Variants in ZNF778 observed in about 807,000 individuals in gnomAD.
ZNF778 encodes the protein zinc finger protein 778.
ZNF778 carries 37 observed loss-of-function variants against 23.9 expected under a neutral mutation model. That is an observed-to-expected ratio of 1.54 (90% CI 1.19 to 2.03). The LOEUF (loss-of-function observed/expected upper bound fraction) is 2.03. Ranked by LOEUF, ZNF778 falls within the 30% of genes most tolerant of loss-of-function variation. The probability of loss-of-function intolerance (pLI) is 0.00; values close to 1 mark genes in which losing one functional copy is unlikely to be tolerated. For missense variants in ZNF778, 1,297 were observed against 934.4 expected, an observed-to-expected ratio of 1.39 and a Z score of -5.06; for synonymous variants, 483 against 343.9, an observed-to-expected ratio of 1.40 and a Z score of -4.48.
In ZNF778 at chr16:89,227,342, C is replaced by T; in HGVS notation, c.1054C>T (p.Leu352Phe). Residue 352 changes from leucine to phenylalanine, a missense_variant, in exon 7 of 7, where the codon CTT (leucine) becomes TTT (phenylalanine). Physicochemically the swap from Leu to Phe is conservative, Grantham distance 22. Coordinates refer to ENST00000433976, the MANE Select transcript of ZNF778 (RefSeq NM_001201407.2). ...CGKAFTGLSG[L>F]SKHVQTDPGQ... The stretch of plus-strand genomic sequence containing the variant: ...AAAAGCCTTCACTGGACTCTCAGGT[C>T]TTTCTAAACACGTCCAAACAGACCC... The T allele has an allele frequency of 6.2e-7, 1 of 1,613,992 alleles. No individual in the cohort carries two copies. The highest frequency in any genetic ancestry group is 2.2e-5 in the East Asian group (1 of 44,886).
intron 6 of ZNF778, 109 bp from the exon 7 acceptor site, chr16:89,226,585 G>C: frequency 9.8e-7 from 1 of 1,023,718 alleles, no homozygotes; most frequent in Non-Finnish European, 1.4e-6. Context: ...TGCATGTTAT[G>C]AAAATGGCAA....
intron 5 of ZNF778, 37 bp downstream of exon 5, chr16:89,224,839 T>C (rs1279026384): frequency 2.0e-5 from 28 of 1,417,848 alleles, no homozygotes; most frequent in Non-Finnish European, 2.6e-5. Context: ...ATGTCAAGTT[T>C]AGCAGCTGTG....
At chr16:89,219,037 G>T (rs1365604827) in intron 1 of ZNF778, among the ~76,000 whole-genome samples, 1 of 151,872 alleles carries the variant, frequency 6.6e-6, no homozygotes, top group African/African-American at 2.4e-5. Flanking sequence ...AACCTGGGTG[G>T]CACAGGTTGC....
chr16:89,228,332 T>G lies in ZNF778; in HGVS notation c.2044T>G (p.Phe682Val), dbSNP rs2031690567. The G allele has an allele frequency of 6.2e-7, 1 of 1,613,676 alleles. No individual in the cohort carries two copies. Among genetic ancestry groups the G allele is most frequent in the Non-Finnish European group, 8.5e-7 (1 of 1,179,784 alleles). The change falls in exon 7 of 7, where the codon TTC becomes GTC. Residue 682 changes from phenylalanine (F) to valine (V), a missense_variant. Transcript: ENST00000433976. ...CATATGTAACGAGTGTGGGAAAGCC[T>G]TCCGTGCCTCCTCTCACCTGCATAA... is the stretch of plus-strand genomic sequence containing the variant. ...PYICNECGKA[F>V]RASSHLHKHG...
Position 89,227,661 on chromosome 16 carries a change from TC to T in ZNF778, c.1374del (p.Cys459ValfsTer10), listed in dbSNP as rs2031616572. ...ACGTGTAAGGACTGCGGGAAAGCCTTCTGTACATCCTCGGGCCTTACTGAGC... is the reference window on the plus strand; with the variant it reads ...ACGTGTAAGGACTGCGGGAAAGCCTTTGTACATCCTCGGGCCTTACTGAGC... ...PYTCKDCGKA[F>X]CTSSGLTEHV... On this transcript the variant is annotated frameshift_variant, in exon 7 of 7. Coordinates refer to ENST00000433976, the MANE Select transcript of ZNF778 (RefSeq NM_001201407.2). LOFTEE classifies it low-confidence loss of function (END_TRUNC). The T allele has an allele frequency of 6.2e-7, 1 of 1,613,968 alleles. No individual in the cohort carries two copies. Among genetic ancestry groups the T allele is most frequent in the South Asian group, 1.1e-5 (1 of 91,078 alleles).
In ZNF778 at chr16:89,227,396, T is replaced by C. The variant is rs1445975553; in HGVS notation, c.1108T>C (p.Cys370Arg). The C allele has an allele frequency of 1.9e-6, 3 of 1,613,876 alleles. No individual in the cohort carries two copies. In the East Asian group the frequency reaches 6.7e-5, roughly 36 times the overall value. ...PGQKPYECKD[C>R]GKACGGFYLL... ...ACAGAAGCCCTATGAATGTAAGGAC[T>C]GTGGGAAAGCCTGCGGTGGGTTTTA... The change falls in exon 7 of 7, where the codon TGT (cysteine) becomes CGT (arginine). Residue 370 changes from cysteine (C) to arginine (R), a missense_variant. By Grantham distance (180) the Cys-to-Arg change is radical. Transcript: ENST00000433976.
rs1387155880 is a variant in ZNF778, at chr16:89,228,524, C to T, written c.2236C>T (p.His746Tyr). The T allele has an allele frequency of 1.2e-6, 2 of 1,600,374 alleles. No individual in the cohort carries two copies. The highest frequency in any genetic ancestry group is 1.1e-5 in the South Asian group (1 of 88,354). The change falls in exon 7 of 7, where the codon CAT becomes TAT. Residue 746 changes from histidine to tyrosine, a missense_variant. By Grantham distance (83) the His-to-Tyr change is moderately conservative. Coordinates refer to ENST00000433976, the MANE Select transcript of ZNF778 (RefSeq NM_001201407.2). The part of the protein sequence containing the change: ...KSFKNSSCLN[H>Y]HTQIHTDEKP... The stretch of plus-strand genomic sequence containing the variant: ...TTTTAAGAATTCCTCATGCCTTAAC[C>T]ATCACACTCAAATTCACACTGATGA...
intron 6 of ZNF778, among the ~76,000 whole-genome samples, chr16:89,226,391 G>T (rs2031474610): frequency 6.6e-6 from 1 of 152,148 alleles, no homozygotes; most frequent in Non-Finnish European, 1.5e-5. Flanking sequence ...TTTTAATAGA[G>T]ACGGGGTTTC....
chr16:89,233,670 C>T lies in ZNF778; in HGVS notation c.*5108C>T. 7.8e-7 allele frequency: 1 copy of T among 1,286,440 alleles called. No individual in the cohort carries two copies. Among genetic ancestry groups the T allele is most frequent in the South Asian group, 1.2e-5 (1 of 80,154 alleles). The allele number at this position is 1,286,440 out of a possible 1,614,324, so 79.7% of individuals were successfully genotyped here. A position where few individuals can be genotyped will look rare whatever the true frequency, so the allele number is the denominator to read the frequency against. On this transcript the variant is annotated 3_prime_UTR_variant, in exon 7 of 7. Transcript: ENST00000433976. Reference sequence around the variant, plus strand: ...CTCTGCATATGCAATTCAACTCGCACTGCGTATGCAAATCAACTTACTGCA... The same window carrying T: ...CTCTGCATATGCAATTCAACTCGCATTGCGTATGCAAATCAACTTACTGCA...
chr16:89,227,930 C>A lies in ZNF778; in HGVS notation c.1642C>A (p.Leu548Met), dbSNP rs2031646738. 1.9e-6 allele frequency: 3 copies of A among 1,613,960 alleles called. No homozygotes were observed. In the South Asian group the frequency reaches 3.3e-5, roughly 18 times the overall value. The change falls in exon 7 of 7, where the codon CTG (leucine) becomes ATG (methionine). Residue 548 changes from leucine to methionine, a missense_variant. By Grantham distance (15) the Leu-to-Met change is conservative. Transcript: ENST00000433976. ...GAAAGCCTACAATAGGGTTTATCTA[C>A]TGAATGAGCATGTGAAAACTCACAC... The part of the protein sequence containing the change: ...CGKAYNRVYL[L>M]NEHVKTHTEE...
rs1357645785 is a variant in ZNF778, at chr16:89,225,643, AAG to A, written c.405+18_405+19del. 4.4e-5 allele frequency: 70 copies of A among 1,606,876 alleles called. No individual in the cohort carries two copies. Among genetic ancestry groups the A allele is most frequent in the Non-Finnish European group, 5.2e-5 (61 of 1,175,664 alleles). ...ATGAGACACAGACGGTAAGATTAAC[AAG>A]AGAGATTTTTTTATTTATCACACTC... On this transcript the variant is annotated intron_variant, in intron 6 of 6. Transcript: ENST00000433976.
chr16:89,226,625 C>G (rs902952612), intron 6 of ZNF778, 69 bp from the exon 7 acceptor site: 1 of 1,385,464 alleles, frequency 7.2e-7, no homozygotes, highest in Non-Finnish European at 9.9e-7. Context: ...CATGCTCTGT[C>G]TTCAGCTGGG....
intron 4 of ZNF778, among the ~76,000 whole-genome samples, chr16:89,224,054 G>A (rs1025307316): frequency 4.1e-5 from 6 of 148,102 alleles, no homozygotes; most frequent in Admixed American, 2.0e-4. Flanking sequence ...GCTTAGGGCT[G>A]TAATCCGAGC....
rs1345359375 is a variant in ZNF778, at chr16:89,228,849, C to G, written c.*287C>G. 1 of 1,102,458 alleles carries G rather than the reference C, an allele frequency of 9.1e-7. No individual in the cohort carries two copies. Among genetic ancestry groups the G allele is most frequent in the Non-Finnish European group, 1.1e-6 (1 of 904,982 alleles). The allele number at this position is 1,102,458 out of a possible 1,614,324, so 68.3% of individuals were successfully genotyped here. ...CTGTTCTGCTCAGTACTTTGATGAT[C>G]CCTTGTGATCTCACAATGAAGAAAA... On this transcript the variant is annotated 3_prime_UTR_variant, in exon 7 of 7. Coordinates refer to ENST00000433976, the MANE Select transcript of ZNF778 (RefSeq NM_001201407.2).
Position 89,228,227 on chromosome 16 carries a change from T to C in ZNF778, c.1939T>C (p.Cys647Arg). Residue 647 changes from cysteine (C) to arginine (R), a missense_variant, in exon 7 of 7, where the codon TGT (cysteine) becomes CGT (arginine). Coordinates refer to ENST00000433976, the MANE Select transcript of ZNF778 (RefSeq NM_001201407.2). ...CCACACCGGTGAGAAACCCTACATA[T>C]GTAAGGAGTGTGGGAAAGCCTTTGC... ...RTHTGEKPYI[C>R]KECGKAFASS... 2 of 1,614,058 alleles carry C rather than the reference T, an allele frequency of 1.2e-6. No individual in the cohort carries two copies. The highest frequency in any genetic ancestry group is 1.7e-6 in the Non-Finnish European group (2 of 1,179,916).
rs367985894 is a variant in ZNF778, at chr16:89,227,688, A to C, written c.1400A>C (p.His467Pro). The change falls in exon 7 of 7, where the codon CAT becomes CCT. Residue 467 changes from histidine to proline, a missense_variant. Physicochemically the swap from His to Pro is moderately conservative, Grantham distance 77. Coordinates refer to ENST00000433976, the MANE Select transcript of ZNF778 (RefSeq NM_001201407.2). ...AFCTSSGLTEHVRTHTGEKPY... is the reference protein window; with the variant it reads ...AFCTSSGLTEPVRTHTGEKPY... ...TGTACATCCTCGGGCCTTACTGAGC[A>C]TGTAAGGACTCACACTGGAGAGAAA... 6.2e-7 allele frequency: 1 copy of C among 1,614,226 alleles called. No individual in the cohort carries two copies. Among genetic ancestry groups the C allele is most frequent in the South Asian group, 1.1e-5 (1 of 91,086 alleles).
intron 6 of ZNF778, among the ~76,000 whole-genome samples, chr16:89,225,965 G>A (rs958159184): frequency 2.0e-5 from 3 of 151,146 alleles, no homozygotes; most frequent in South Asian, 2.1e-4. Context: ...AGGCTGGAGC[G>A]CAGTGGCACG....
intron 1 of ZNF778, among the ~76,000 whole-genome samples, chr16:89,220,373 C>T (rs989355655): frequency 5.9e-5 from 9 of 152,052 alleles, no homozygotes; most frequent in Admixed American, 1.3e-4. Flanking sequence ...CTGACGAGAC[C>T]GGGGCGGGGC....
rs913115330 is a variant in ZNF778, at chr16:89,232,316, C to T, written c.*3754C>T. On this transcript the variant is annotated 3_prime_UTR_variant, in exon 7 of 7. Coordinates refer to ENST00000433976, the MANE Select transcript of ZNF778 (RefSeq NM_001201407.2). ...GCCCTGTTTGACACAGCAAATAGTC[C>T]TCACCAGAAGCAGGTCAGATGCCAG... 4.2e-6 allele frequency: 1 copy of T among 239,742 alleles called. No homozygotes were observed. The highest frequency in any genetic ancestry group is 8.3e-6 in the Non-Finnish European group (1 of 120,462). 14.9% of individuals were successfully genotyped at this position (239,742 alleles called of 1,614,324 possible).
Sources: gnomAD v4.1 joint callset for allele counts (sites outside exome capture counted in the v4.1 genomes callset) on GRCh38, gnomAD v4.1.1 for gene constraint, MANE v1.5 for transcripts, NCBI Gene and HGNC (gene_info 2026-07-23, HGNC 2026-07-21) for gene names.